DAGLB: variants seen among roughly 807,000 people sequenced by gnomAD.
DAGLB encodes diacylglycerol lipase-beta.
Under a neutral mutation model 72.1 loss-of-function variants are expected in DAGLB, and 66 were observed. That is an observed-to-expected ratio of 0.92 (90% CI 0.75 to 1.12). The LOEUF (loss-of-function observed/expected upper bound fraction) is 1.12. Among genes scored for constraint, DAGLB ranks in the 50% most tolerant of loss-of-function variants. The pLI is 0.00. For missense variants in DAGLB, 1,065 were observed against 884.9 expected, an observed-to-expected ratio of 1.20 and a Z score of -2.58; for synonymous variants, 414 against 359.5, an observed-to-expected ratio of 1.15 and a Z score of -1.71.
chr7:6,429,604 A>G (rs1784415540), intron 6 of DAGLB, among the ~76,000 whole-genome samples: 1 of 152,000 alleles, frequency 6.6e-6, no homozygotes, highest in South Asian at 2.1e-4. Flanking sequence ...TCTACTAAAC[A>G]TACAAAAATT....
At chr7:6,433,929 C>T (rs1057098547) in intron 4 of DAGLB, among the ~76,000 whole-genome samples, 1 of 151,944 alleles carries the variant, frequency 6.6e-6, no homozygotes, top group Non-Finnish European at 1.5e-5. Flanking sequence ...TAGATTACGA[C>T]ATCCTCTAGA....
In DAGLB at chr7:6,409,845, C is replaced by CG. The variant is rs1562475741; in HGVS notation, c.2010dup (p.Val671ArgfsTer23). On this transcript the variant is annotated frameshift_variant, in exon 15 of 15. Coordinates refer to ENST00000297056, the MANE Select transcript of DAGLB (RefSeq NM_139179.4). LOFTEE classifies it high-confidence loss of function. Reference sequence around the variant, plus strand: ...GTTTCCAGTGGCCCTGGTCAGGCCACGTCCACACTGGAGACCCCTTGTGCT... The same window carrying CG: ...GTTTCCAGTGGCCCTGGTCAGGCCACGGTCCACACTGGAGACCCCTTGTGCT... The CG allele has an allele frequency of 1.2e-6, 2 of 1,613,838 alleles. No homozygotes were observed. The highest frequency in any genetic ancestry group is 1.7e-6 in the Non-Finnish European group (2 of 1,179,990).
chr7:6,427,602 A>G lies in DAGLB; in HGVS notation c.930-1488T>C, dbSNP rs371724936. 7.2e-5 allele frequency among the ~76,000 whole-genome samples: 11 copies of G among 152,272 alleles called. No homozygotes were observed. In the East Asian group the frequency reaches 1.5e-3, roughly 21 times the overall value. On this transcript the variant is annotated intron_variant, in intron 6 of 14. Transcript: ENST00000297056. ...CTCTTAAAAGACAAACAAAAAAAAG[A>G]TATTAGTAAAATCTCATGATCTTTA...
chr7:6,444,988 TATA>T (rs138454377), intron 2 of DAGLB, among the ~76,000 whole-genome samples: 12,068 of 152,168 alleles, frequency 0.079, 1,093 homozygotes, highest in East Asian at 0.5. Flanking sequence ...TAACAAGTCA[TATA>T]ATAAGAGCGT....
At chr7:6,413,061 T>A in intron 11 of DAGLB, 27 bp from the exon 12 acceptor site, 2 of 1,607,924 alleles carry the variant, frequency 1.2e-6, no homozygotes, top group Non-Finnish European at 1.7e-6. Context: ...AGAGAGGATG[T>A]TAGCTTTACG....
At position 6,433,066 on chromosome 7, in the gene DAGLB, C is replaced by A. The variant is rs189219846; in HGVS notation, c.679-107G>T. The A allele has an allele frequency of 1.9e-5, 27 of 1,452,328 alleles. No individual in the cohort carries two copies. The African/African-American group carries it at 3.6e-4, about 19-fold the overall frequency. 90.0% of individuals were successfully genotyped at this position (1,452,328 alleles called of 1,614,324 possible). ...TGATAGGCATTCACGCACACACAGA[C>A]ATTTCTAGACACAGAGGTATGTTAA... On this transcript the variant is annotated intron_variant, in intron 4 of 14. Transcript: ENST00000297056.
intron 6 of DAGLB, among the ~76,000 whole-genome samples, chr7:6,428,396 A>C (rs1453963945): frequency 1.3e-5 from 2 of 151,588 alleles, no homozygotes; most frequent in East Asian, 3.9e-4. Context: ...TAAGTGATTC[A>C]GACAAGAATC....
chr7:6,419,344 G>A (rs185060462), intron 9 of DAGLB, among the ~76,000 whole-genome samples: 89 of 152,180 alleles, frequency 5.8e-4, no homozygotes, highest in African/African-American at 1.9e-3. Flanking sequence ...TCTCTCCTGC[G>A]ACGGCGGGAT....
intron 1 of DAGLB, among the ~76,000 whole-genome samples, chr7:6,447,260 G>A (rs1421216791): frequency 6.6e-6 from 1 of 152,192 alleles, no homozygotes; most frequent in East Asian, 1.9e-4. Flanking sequence ...GTTGTATGTT[G>A]AGCCTGTCTG....
chr7:6,421,730 G>A lies in DAGLB; in HGVS notation c.1215C>T (p.His405=). The A allele has an allele frequency of 6.2e-7, 1 of 1,609,488 alleles. No individual in the cohort carries two copies. Among genetic ancestry groups the A allele is most frequent in the Non-Finnish European group, 8.5e-7 (1 of 1,176,818 alleles). ...VECEVQDRLA[H]KGISQAARYV... is the part of the protein sequence containing the mutation. ...ACACACGAGTCCGCGCTCATACCTT[G>A]TGTGCCAGGCGGTCCTGCACCTCAC... is the stretch of plus-strand genomic sequence containing the variant. Residue 405 remains histidine, a synonymous_variant, in exon 9 of 15, where the codon CAC becomes CAT. Coordinates refer to ENST00000297056, the MANE Select transcript of DAGLB (RefSeq NM_139179.4).
intron 13 of DAGLB, among the ~76,000 whole-genome samples, chr7:6,411,163 C>T (rs562829841): frequency 2.0e-5 from 3 of 150,798 alleles, no homozygotes; most frequent in African/African-American, 4.9e-5. Flanking sequence ...TGAGCCACCG[C>T]GCCCGGCCTA....
At chr7:6,427,592 C>CA (rs1281580812) in intron 6 of DAGLB, among the ~76,000 whole-genome samples, 14 of 151,710 alleles carry the variant, frequency 9.2e-5, no homozygotes, top group Admixed American at 6.6e-4. Flanking sequence ...AAAAGACAAA[C>CA]AAAAAAAAGA....
At chr7:6,410,656 A>G (rs1010781053) in intron 13 of DAGLB, among the ~76,000 whole-genome samples, 6 of 152,164 alleles carry the variant, frequency 3.9e-5, no homozygotes, top group African/African-American at 1.4e-4. Flanking sequence ...TAAGCCATAC[A>G]GACTGTGAGG....
chr7:6,434,775 G>C lies in DAGLB; in HGVS notation c.665C>G (p.Ser222Ter). The change falls in exon 4 of 15, where the codon TCA becomes TGA. Residue 222 changes from serine (S) to a stop codon, truncating the protein, a stop_gained. Transcript: ENST00000297056. LOFTEE classifies it high-confidence loss of function. ...VAFSSTAELF[S>*]TYFSDTDLVP... is the part of the protein sequence containing the mutation. ...CCCTCGGCTTACTGAAAAGTAGGTTGAGAAAAGCTCTGCCGTACTCGAAAA... is the reference window on the plus strand; with the variant it reads ...CCCTCGGCTTACTGAAAAGTAGGTTCAGAAAAGCTCTGCCGTACTCGAAAA... 1 of 1,614,178 alleles carries C rather than the reference G, an allele frequency of 6.2e-7. No individual in the cohort carries two copies. The highest frequency in any genetic ancestry group is 8.5e-7 in the Non-Finnish European group (1 of 1,180,024).
chr7:6,431,582 G>A (rs924183456), intron 5 of DAGLB, among the ~76,000 whole-genome samples: 1 of 152,096 alleles, frequency 6.6e-6, no homozygotes, highest in Non-Finnish European at 1.5e-5. Context: ...GAACAGCCTG[G>A]CCAACACGGT....
intron 11 of DAGLB, 179 bp downstream of exon 11, chr7:6,416,448 C>T: frequency 1.2e-6 from 1 of 835,514 alleles, no homozygotes; most frequent in East Asian, 3.1e-5. Context: ...GAGGCTGAGG[C>T]AGAAGAACCG....
chr7:6,446,477 C>CAAAAAAAAAAAAAAAAAAAAA (rs748156438), intron 1 of DAGLB, among the ~76,000 whole-genome samples: 1 of 58,636 alleles, frequency 1.7e-5, no homozygotes, highest in Non-Finnish European at 2.9e-5. Flanking sequence ...GACTCCGTCT[C>CAAAAAAAAAAAAAAAAAAAAA]AAAAAAAAAA....
intron 7 of DAGLB, among the ~76,000 whole-genome samples, chr7:6,425,321 G>C (rs1036649102): frequency 2.6e-5 from 4 of 152,136 alleles, no homozygotes; most frequent in Admixed American, 2.6e-4. Flanking sequence ...ACCTAGGCTG[G>C]AGTGCAATGG....
At chr7:6,411,304 C>T (rs894626537) in intron 13 of DAGLB, among the ~76,000 whole-genome samples, 2 of 152,068 alleles carry the variant, frequency 1.3e-5, no homozygotes, top group Non-Finnish European at 2.9e-5. Flanking sequence ...CCACCGGGCC[C>T]GCCCTAGATA....
Sources: gnomAD v4.1 joint callset for allele counts (sites outside exome capture counted in the v4.1 genomes callset) on GRCh38, gnomAD v4.1.1 for gene constraint, MANE v1.5 for transcripts, NCBI Gene and HGNC (gene_info 2026-07-23, HGNC 2026-07-21) for gene names.